STK3: variants seen among roughly 807,000 people sequenced by gnomAD.
STK3 encodes serine/threonine kinase 3, also known as serine/threonine-protein kinase 3.
Under a neutral mutation model 58.0 loss-of-function variants are expected in STK3, and 41 were observed. The observed-to-expected ratio is 0.71, with a 90% CI of 0.55 to 0.92. The LOEUF (loss-of-function observed/expected upper bound fraction) is 0.92, where lower values mean the gene tolerates loss of function less well. STK3 is among the 40% of genes least tolerant of loss of function. STK3 has a pLI of 0.00. For synonymous variants in STK3, 170 were observed against 191.0 expected (o/e 0.89, Z 0.91); for missense variants, 479 against 602.7 (o/e 0.79, Z 2.15).
intron 1 of STK3, among the ~76,000 whole-genome samples, chr8:98,776,992 G>A (rs1343779351): frequency 2.6e-5 from 4 of 151,838 alleles, no homozygotes; most frequent in Non-Finnish European, 2.9e-5. Context: ...GGAGCTTGCC[G>A]TGAGCCGAGA....
chr8:98,529,621 C>T (rs539900654), intron 9 of STK3, among the ~76,000 whole-genome samples: 2 of 152,296 alleles, frequency 1.3e-5, no homozygotes, highest in East Asian at 3.9e-4. Flanking sequence ...ATAACTGTAA[C>T]CCCATGTCTA....
intron 1 of STK3, among the ~76,000 whole-genome samples, chr8:98,381,702 T>A (rs1817734807): frequency 6.6e-6 from 1 of 152,180 alleles, no homozygotes; most frequent in Non-Finnish European, 1.5e-5. Context: ...TACAGATGAG[T>A]ACATGGAGGC....
At chr8:98,529,511 T>C (rs891563131) in intron 9 of STK3, among the ~76,000 whole-genome samples, 4 of 152,264 alleles carry the variant, frequency 2.6e-5, no homozygotes, top group East Asian at 1.9e-4. Flanking sequence ...AGAGGTTTTA[T>C]TGACTTCACC....
chr8:98,381,337 G>T (rs940608422), intron 1 of STK3, among the ~76,000 whole-genome samples: 1 of 152,124 alleles, frequency 6.6e-6, no homozygotes, highest in Non-Finnish European at 1.5e-5. Flanking sequence ...CCTGAGATCT[G>T]CATTTCCACC....
chr8:98,858,323 T>TATATATAG lies in STK3; in HGVS notation c.110+25323_110+25324insCTATATAT, dbSNP rs1189807446. 4.8e-3 allele frequency among the ~76,000 whole-genome samples: 78 copies of TATATATAG among 16,268 alleles called. 1 individual carries two copies. Among genetic ancestry groups the TATATATAG allele is most frequent in the Non-Finnish European group, 6.0e-3 (57 of 9,550 alleles). The allele number at this position is 16,268 out of a possible 152,430, so 10.7% of individuals were successfully genotyped here. On this transcript the variant is annotated intron_variant, in intron 3 of 12. Coordinates refer to the STK3 transcript ENST00000523601. ...ATATATATATATATATATATATATA[T>TATATATAG]AGAGAGAGAGAGAGAGAGAGAGAGA...
intron 7 of STK3, among the ~76,000 whole-genome samples, chr8:98,585,819 G>T (rs1429426949): frequency 3.9e-5 from 6 of 151,914 alleles, no homozygotes; most frequent in East Asian, 3.9e-4. Flanking sequence ...CACATCCCTT[G>T]TAAGTTGGAT....
intron 1 of STK3, among the ~76,000 whole-genome samples, chr8:98,926,600 A>G (rs1839809215): frequency 6.6e-6 from 1 of 152,218 alleles, no homozygotes; most frequent in African/African-American, 2.4e-5. Context: ...ATGGACAGGG[A>G]AATGGGAAGA....
At chr8:98,793,243 ATGG>A (rs1488218941) in intron 1 of STK3, among the ~76,000 whole-genome samples, 2 of 152,168 alleles carry the variant, frequency 1.3e-5, no homozygotes, top group Middle Eastern at 3.2e-3. Flanking sequence ...TGCTCAGGTG[ATGG>A]GTGCAACAAA....
At chr8:98,826,575 C>G (rs1564041508), upstream of STK3, among the ~76,000 whole-genome samples, 1 of 152,174 alleles carries the variant, frequency 6.6e-6, no homozygotes, top group African/African-American at 2.4e-5. Flanking sequence ...CCTCTTTGGT[C>G]CTCTCCCCCA....
chr8:98,895,215 T>A (rs1838401842), intron 1 of STK3, among the ~76,000 whole-genome samples: 1 of 152,164 alleles, frequency 6.6e-6, no homozygotes, highest in African/African-American at 2.4e-5. Flanking sequence ...TATTTCCATA[T>A]GAGTTACCTG....
chr8:98,591,791 T>A (rs117528452), intron 7 of STK3, among the ~76,000 whole-genome samples: 1 of 152,340 alleles, frequency 6.6e-6, no homozygotes, highest in Non-Finnish European at 1.5e-5. Context: ...ATAAGTATAT[T>A]GGCTTTTCTT....
intron 1 of STK3, among the ~76,000 whole-genome samples, chr8:98,441,613 C>T (rs1818699917): frequency 6.6e-6 from 1 of 152,214 alleles, no homozygotes; most frequent in Non-Finnish European, 1.5e-5. Context: ...CAGATGGAAA[C>T]TCAGTAGTTA....
intron 1 of STK3, among the ~76,000 whole-genome samples, chr8:98,887,704 C>T (rs911706691): frequency 5.3e-5 from 8 of 152,032 alleles, no homozygotes; most frequent in African/African-American, 1.9e-4. Flanking sequence ...AATAGATGTA[C>T]ATGAGATAAC....
intron 6 of STK3, among the ~76,000 whole-genome samples, chr8:98,609,022 C>T (rs1446783593): frequency 6.6e-6 from 1 of 152,144 alleles, no homozygotes; most frequent in African/African-American, 2.4e-5. Context: ...GATCGGTCTT[C>T]GAATAATAAA....
intron 6 of STK3, chr8:98,651,674 T>A (rs1318390024): frequency 6.6e-6 from 1 of 152,126 alleles, no homozygotes; most frequent in African/African-American, 2.4e-5. Context: ...AAGCCAAGGC[T>A]CGAGAACTAC....
At chr8:98,853,452 A>G (rs140065836) in intron 3 of STK3, among the ~76,000 whole-genome samples, 1 of 151,968 alleles carries the variant, frequency 6.6e-6, no homozygotes, top group African/African-American at 2.4e-5. Context: ...GTTTTCTTCT[A>G]TTGCTGTTTT....
At chr8:98,384,194 T>A (rs4734402) in intron 1 of STK3, among the ~76,000 whole-genome samples, 9,171 of 152,276 alleles carry the variant, frequency 0.06, 680 homozygotes, top group East Asian at 0.16. Flanking sequence ...GAGCCAAGTC[T>A]CCACTACCTC....
At chr8:98,599,447 T>G (rs1015364141) in intron 6 of STK3, among the ~76,000 whole-genome samples, 21 of 147,746 alleles carry the variant, frequency 1.4e-4, no homozygotes, top group East Asian at 3.9e-4. Flanking sequence ...TATCATTTTG[T>G]TTTTTTTTTC....
chr8:98,720,313 A>C (rs1302416197), intron 4 of STK3, among the ~76,000 whole-genome samples: 1 of 152,240 alleles, frequency 6.6e-6, no homozygotes, highest in African/African-American at 2.4e-5. Context: ...ACAGACGAGG[A>C]AACGAATTCA....
Sources: allele counts gnomAD v4.1 joint callset (sites outside exome capture counted in the v4.1 genomes callset), GRCh38; gene constraint gnomAD v4.1.1; transcripts MANE v1.5; gene names NCBI Gene and HGNC (gene_info 2026-07-23, HGNC 2026-07-21).